Variants in POU6F2 observed in about 807,000 individuals in gnomAD.
POU6F2 encodes POU class 6 homeobox 2.
POU6F2 carries 31 observed loss-of-function variants against 71.3 expected under a neutral mutation model. The observed-to-expected ratio is 0.43, with a 90% CI of 0.33 to 0.59. The LOEUF (loss-of-function observed/expected upper bound fraction) is 0.59, where lower values mean the gene tolerates loss of function less well. Ranked by LOEUF, POU6F2 falls within the 20% of genes least tolerant of loss-of-function variation. The probability of loss-of-function intolerance (pLI) is 0.04; values close to 1 mark genes in which losing one functional copy is unlikely to be tolerated. For synonymous variants in POU6F2, 347 were observed against 355.7 expected (o/e 0.98, Z 0.27); for missense variants, 783 against 856.8 (o/e 0.91, Z 1.07).
intron 4 of POU6F2, among the ~76,000 whole-genome samples, chr7:39,218,733 G>T (rs551198401): frequency 6.6e-6 from 1 of 152,080 alleles, no homozygotes; most frequent in African/African-American, 2.4e-5. Flanking sequence ...CGTTAACAAG[G>T]TGGGTTTGAT....
In POU6F2 at chr7:39,348,174, T is replaced by A. The variant is rs1201295356; in HGVS notation, c.972+8159T>A. 5.6e-5 allele frequency among the ~76,000 whole-genome samples: 7 copies of A among 125,754 alleles called. 2 individuals carry two copies. The highest frequency in any genetic ancestry group is 1.1e-4 in the Non-Finnish European group (6 of 54,438). 82.5% of individuals were successfully genotyped at this position (125,754 alleles called of 152,430 possible). ...AACAAAAAAGAACCAAGAATTATTT[T>A]TTCCTTGTAAATTCCCAAAGTTGTG... On this transcript the variant is annotated intron_variant, in intron 5 of 9. Coordinates refer to ENST00000518318, the MANE Select transcript of POU6F2 (RefSeq NM_001370959.1).
At chr7:39,026,054 C>T (rs1247001902) in intron 1 of POU6F2, among the ~76,000 whole-genome samples, 2 of 152,140 alleles carry the variant, frequency 1.3e-5, no homozygotes, top group Non-Finnish European at 2.9e-5. Flanking sequence ...AATGAGATAC[C>T]ATCTCATGCC....
intron 4 of POU6F2, among the ~76,000 whole-genome samples, chr7:39,338,175 A>G (rs1160813407): frequency 6.6e-6 from 1 of 152,218 alleles, no homozygotes; most frequent in African/African-American, 2.4e-5. Context: ...GAACTCCACC[A>G]GAAGAAGAGA....
At chr7:39,313,036 C>T (rs2128767325) in intron 4 of POU6F2, among the ~76,000 whole-genome samples, 1 of 149,124 alleles carries the variant, frequency 6.7e-6, no homozygotes, top group African/African-American at 2.5e-5. Context: ...GAGAACGCAG[C>T]AATATTGAAA....
Position 39,138,288 on chromosome 7 carries a change from T to G in POU6F2, c.277+52257T>G, listed in dbSNP as rs372850304. ...GTCAGTCTGTTACATAATACATATATCACCAAGAAAATTCTATTATTTAAA... is the reference window on the plus strand; with the variant it reads ...GTCAGTCTGTTACATAATACATATAGCACCAAGAAAATTCTATTATTTAAA... On this transcript the variant is annotated intron_variant, in intron 2 of 9. Coordinates refer to ENST00000518318, the MANE Select transcript of POU6F2 (RefSeq NM_001370959.1). Among the ~76,000 whole-genome samples, 18 of 152,268 alleles carry G rather than the reference T, an allele frequency of 1.2e-4. No homozygotes were observed. The East Asian group carries it at 3.5e-3, about 29-fold the overall frequency.
chr7:39,008,698 T>C (rs767260462), intron 1 of POU6F2, among the ~76,000 whole-genome samples: 7,842 of 150,106 alleles, frequency 0.052, 223 homozygotes, highest in African/African-American at 0.097. Context: ...TTGATTTTTG[T>C]ATAAGGTGTA....
At chr7:39,104,958 G>A (rs1791645503) in intron 2 of POU6F2, among the ~76,000 whole-genome samples, 1 of 152,178 alleles carries the variant, frequency 6.6e-6, no homozygotes, top group Admixed American at 6.5e-5. Flanking sequence ...ATATGTGCAT[G>A]TTTAGTTCTC....
intron 2 of POU6F2, among the ~76,000 whole-genome samples, chr7:39,099,538 G>A (rs892115553): frequency 2.0e-5 from 3 of 152,212 alleles, no homozygotes; most frequent in African/African-American, 7.2e-5. Flanking sequence ...GTAAACTACA[G>A]AAAATTTCAG....
chr7:39,184,197 G>A (rs1261457510), intron 2 of POU6F2, among the ~76,000 whole-genome samples: 1 of 152,178 alleles, frequency 6.6e-6, no homozygotes, highest in Non-Finnish European at 1.5e-5. Flanking sequence ...TCATCATAAA[G>A]ATTACAGTGA....
intron 7 of POU6F2, among the ~76,000 whole-genome samples, chr7:39,448,957 A>G (rs920146810): frequency 2.6e-5 from 4 of 152,240 alleles, no homozygotes; most frequent in African/African-American, 9.6e-5. Flanking sequence ...CCTACAGTAT[A>G]AAATTTACTG....
chr7:39,264,522 G>T (rs548368700), intron 4 of POU6F2, among the ~76,000 whole-genome samples: 1 of 152,172 alleles, frequency 6.6e-6, no homozygotes, highest in Admixed American at 6.5e-5. Flanking sequence ...TCTAAACTTT[G>T]TTCATCTCTA....
intron 2 of POU6F2, among the ~76,000 whole-genome samples, chr7:39,111,055 A>T (rs1791800944): frequency 6.6e-6 from 1 of 152,184 alleles, no homozygotes. Flanking sequence ...CATTCTGTGT[A>T]TCAATTTTTG....
intron 1 of POU6F2, among the ~76,000 whole-genome samples, chr7:39,007,794 G>A (rs13243465): frequency 0.33 from 49,354 of 150,434 alleles, 8,744 homozygotes; most frequent in East Asian, 0.69. Flanking sequence ...TTTTGTTCTT[G>A]CGATAGTTTA....
At chr7:39,260,116 A>AC (rs1784103502) in intron 4 of POU6F2, among the ~76,000 whole-genome samples, 1 of 148,110 alleles carries the variant, frequency 6.8e-6, no homozygotes, top group Non-Finnish European at 1.5e-5. Context: ...CTCACACCAC[A>AC]CACACAATAC....
At chr7:39,050,213 A>C (rs1184200497) in intron 1 of POU6F2, among the ~76,000 whole-genome samples, 2 of 151,610 alleles carry the variant, frequency 1.3e-5, no homozygotes, top group East Asian at 1.9e-4. Flanking sequence ...CCTTGTTCAT[A>C]TTTTTAAGGC....
chr7:39,164,269 AT>A (rs930045285), intron 2 of POU6F2, among the ~76,000 whole-genome samples: 51 of 147,000 alleles, frequency 3.5e-4, no homozygotes, highest in South Asian at 6.5e-4. Flanking sequence ...TAAACCATCG[AT>A]TTTTTTTTTA....
chr7:39,164,303 A>G (rs1031592875), intron 2 of POU6F2, among the ~76,000 whole-genome samples: 5 of 150,380 alleles, frequency 3.3e-5, no homozygotes, highest in Admixed American at 1.3e-4. Flanking sequence ...TCCTACATCC[A>G]TGCTTTTCAA....
At chr7:39,017,182 T>TTGACATA (rs1240980674) in intron 1 of POU6F2, among the ~76,000 whole-genome samples, 3 of 152,222 alleles carry the variant, frequency 2.0e-5, no homozygotes, top group Non-Finnish European at 4.4e-5. Context: ...CTGTACTCAA[T>TTGACATA]AAATACATAT....
intron 1 of POU6F2, among the ~76,000 whole-genome samples, chr7:39,024,491 C>G (rs1343256561): frequency 6.6e-6 from 1 of 152,072 alleles, no homozygotes; most frequent in East Asian, 1.9e-4. Context: ...ATTGAATACC[C>G]TTTATTTCCT....
Sources: allele counts gnomAD v4.1 joint callset (sites outside exome capture counted in the v4.1 genomes callset), GRCh38; gene constraint gnomAD v4.1.1; transcripts MANE v1.5; gene names NCBI Gene and HGNC (gene_info 2026-07-23, HGNC 2026-07-21).